Variants in IGSF11 observed in about 807,000 individuals in gnomAD.
IGSF11 encodes CXADR like 1.
A neutral mutation model predicts 41.0 loss-of-function variants in IGSF11; 22 were observed. The observed-to-expected ratio is 0.54, with a 90% CI of 0.38 to 0.77. The LOEUF (loss-of-function observed/expected upper bound fraction) is 0.77, where lower values mean the gene tolerates loss of function less well. Among genes scored for constraint, IGSF11 ranks in the 30% least tolerant of loss-of-function variants. The pLI is 0.00. For missense variants in IGSF11, 444 were observed against 530.8 expected (o/e 0.84, Z 1.61); for synonymous variants, 219 against 201.3 (o/e 1.09, Z -0.74).
intron 1 of IGSF11, among the ~76,000 whole-genome samples, chr3:119,115,591 T>C (rs1443978131): frequency 3.9e-5 from 6 of 152,238 alleles, no homozygotes; most frequent in Non-Finnish European, 5.9e-5. Context: ...CATTTTTAAC[T>C]GCATTATCAG....
intron 4 of IGSF11, among the ~76,000 whole-genome samples, chr3:118,910,768 T>A (rs1940176637): frequency 6.6e-6 from 1 of 152,158 alleles, no homozygotes; most frequent in South Asian, 2.1e-4. Context: ...AATGTCAAAC[T>A]TTTACACTTG....
intron 1 of IGSF11, among the ~76,000 whole-genome samples, chr3:119,091,408 T>C (rs1332652862): frequency 1.3e-5 from 2 of 152,216 alleles, no homozygotes; most frequent in Non-Finnish European, 2.9e-5. Context: ...TCATTTGTAT[T>C]GTTTATTGCT....
intron 1 of IGSF11, among the ~76,000 whole-genome samples, chr3:119,027,588 T>C (rs1303637535): frequency 6.6e-6 from 1 of 152,148 alleles, no homozygotes; most frequent in Non-Finnish European, 1.5e-5. Flanking sequence ...TTTATGTCAA[T>C]GTGTAATGGA....
intron 1 of IGSF11, among the ~76,000 whole-genome samples, chr3:118,932,680 G>A (rs900668957): frequency 6.6e-6 from 1 of 152,134 alleles, no homozygotes; most frequent in African/African-American, 2.4e-5. Context: ...GGTAGAAATG[G>A]GTTAGAGAAT....
chr3:119,053,657 A>G (rs1445133136), intron 1 of IGSF11, among the ~76,000 whole-genome samples: 1 of 152,188 alleles, frequency 6.6e-6, no homozygotes, highest in Non-Finnish European at 1.5e-5. Context: ...ACAGAGCTAG[A>G]AAAAATAATC....
intron 1 of IGSF11, among the ~76,000 whole-genome samples, chr3:119,076,091 C>G (rs543844205): frequency 1.2e-4 from 18 of 152,212 alleles, no homozygotes; most frequent in Admixed American, 1.2e-3. Flanking sequence ...GAACAGAGCC[C>G]TCAGAAATAA....
chr3:119,090,059 A>G (rs1293173580), intron 1 of IGSF11, among the ~76,000 whole-genome samples: 1 of 152,134 alleles, frequency 6.6e-6, no homozygotes, highest in Non-Finnish European at 1.5e-5. Context: ...AAAAGATACA[A>G]AGTCAATATA....
chr3:119,103,000 T>C (rs2076962049), intron 1 of IGSF11, among the ~76,000 whole-genome samples: 1 of 101,656 alleles, frequency 9.8e-6, no homozygotes, highest in Non-Finnish European at 2.6e-5. Flanking sequence ...TTGGCCAATT[T>C]TTTTTTTTTT....
At chr3:119,106,584 A>AT (rs200773138), upstream of IGSF11, among the ~76,000 whole-genome samples, 142 of 151,020 alleles carry the variant, frequency 9.4e-4, no homozygotes, top group African/African-American at 3.3e-3. Context: ...CATGTCCCAC[A>AT]TTTTTTTTTA....
intron 1 of IGSF11, among the ~76,000 whole-genome samples, chr3:119,028,048 G>A (rs905266452): frequency 6.6e-6 from 1 of 152,118 alleles, no homozygotes; most frequent in Non-Finnish European, 1.5e-5. Flanking sequence ...ATACCTGATA[G>A]TCATGAACCT....
At chr3:119,004,568 T>A (rs1937276687) in intron 1 of IGSF11, among the ~76,000 whole-genome samples, 1 of 142,266 alleles carries the variant, frequency 7.0e-6, no homozygotes, top group Admixed American at 7.0e-5. Context: ...GTGTCAATTT[T>A]GGATCTTTCC....
intron 1 of IGSF11, among the ~76,000 whole-genome samples, chr3:119,012,098 G>A (rs1042188335): frequency 3.3e-5 from 5 of 152,128 alleles, no homozygotes; most frequent in Non-Finnish European, 7.4e-5. Flanking sequence ...GAGGAATGGC[G>A]TTGCAAGGGT....
intron 1 of IGSF11, among the ~76,000 whole-genome samples, chr3:119,077,282 G>C (rs560122498): frequency 1.8e-4 from 27 of 152,122 alleles, no homozygotes; most frequent in Non-Finnish European, 2.4e-4. Flanking sequence ...GTGGGGGAAG[G>C]GGGGAGGGAA....
intron 1 of IGSF11, among the ~76,000 whole-genome samples, chr3:119,046,140 T>C (rs1071402): frequency 0.86 from 128,012 of 148,616 alleles, 55,588 homozygotes; most frequent in East Asian, 1. Flanking sequence ...CAAAGCTGGA[T>C]GGAGAATGAC....
chr3:119,099,851 A>C (rs1412478539), intron 1 of IGSF11, among the ~76,000 whole-genome samples: 1 of 152,238 alleles, frequency 6.6e-6, no homozygotes, highest in East Asian at 1.9e-4. Context: ...CTGGGGATAC[A>C]TTCCAAGAGC....
chr3:119,123,409 C>T (rs1335092064), intron 1 of IGSF11, among the ~76,000 whole-genome samples: 5 of 152,330 alleles, frequency 3.3e-5, no homozygotes, highest in Middle Eastern at 3.4e-3. Flanking sequence ...ACCCACCTGG[C>T]ACCTGAGGTA....
chr3:119,115,010 A>AG (rs2077236295), intron 1 of IGSF11, among the ~76,000 whole-genome samples: 1 of 152,168 alleles, frequency 6.6e-6, no homozygotes, highest in Non-Finnish European at 1.5e-5. Context: ...ACACACTTTA[A>AG]AATAACCAGA....
chr3:119,101,138 TATC>T (rs752142891), intron 1 of IGSF11, among the ~76,000 whole-genome samples: 77 of 152,372 alleles, frequency 5.1e-4, no homozygotes, highest in Non-Finnish European at 7.8e-4. Context: ...TAACACGGGC[TATC>T]ATCATTTCTA....
At chr3:119,023,883 A>C (rs1939565387) in intron 1 of IGSF11, among the ~76,000 whole-genome samples, 1 of 152,296 alleles carries the variant, frequency 6.6e-6, no homozygotes, top group South Asian at 2.1e-4. Context: ...AGTTTATAGA[A>C]TATTTGTTAG....
Sources: allele counts gnomAD v4.1 joint callset (sites outside exome capture counted in the v4.1 genomes callset), GRCh38; gene constraint gnomAD v4.1.1; transcripts MANE v1.5; gene names NCBI Gene and HGNC (gene_info 2026-07-23, HGNC 2026-07-21).